Variants in CSDE1 observed in about 807,000 individuals in gnomAD.
CSDE1 encodes cold shock domain-containing protein E1.
In CSDE1, 17 loss-of-function variants were observed where a neutral mutation model predicts 89.3. That is an observed-to-expected ratio of 0.19 (90% CI 0.13 to 0.29). The LOEUF is 0.29. Among genes scored for constraint, CSDE1 ranks in the 10% least tolerant of loss-of-function variants. The pLI is 1.00. For synonymous variants in CSDE1, 322 were observed against 332.8 expected (o/e 0.97, Z 0.35); for missense variants, 672 against 984.2 (o/e 0.68, Z 4.24).
intron 1 of CSDE1, among the ~76,000 whole-genome samples, chr1:114,753,837 A>G (rs77073818): frequency 0.18 from 27,069 of 152,076 alleles, 2,734 homozygotes; most frequent in South Asian, 0.23. Context: ...GATCACTTGA[A>G]TCCAGGAGTT....
In CSDE1 at chr1:114,732,827, G is replaced by A. The variant is rs780582156; in HGVS notation, c.838-11C>T. 1.2e-6 allele frequency: 2 copies of A among 1,607,198 alleles called. No individual in the cohort carries two copies. The highest frequency in any genetic ancestry group is 2.2e-5 in the South Asian group (2 of 90,860). On this transcript the variant is annotated splice_polypyrimidine_tract_variant and intron_variant, in intron 9 of 19. Transcript: ENST00000358528. ...TGGCAATGGGTCATTCTGATGAGAA[G>A]GAAAAACGATTTTAGCTGGAGATTT... is the stretch of plus-strand genomic sequence containing the variant.
chr1:114,718,472 G>T, intron 19 of CSDE1, 141 bp downstream of exon 19: 2 of 1,170,800 alleles, frequency 1.7e-6, no homozygotes, highest in Non-Finnish European at 2.4e-6. Flanking sequence ...CTGAACCAAT[G>T]TGTAGAAAGT....
At chr1:114,734,601 A>T in intron 6 of CSDE1, 78 bp from the exon 7 acceptor site, 3 of 1,076,238 alleles carry the variant, frequency 2.8e-6, no homozygotes, top group Non-Finnish European at 4.1e-6. Flanking sequence ...TATGAGTCTA[A>T]AGAAACTAGT....
At position 114,737,519 on chromosome 1, in the gene CSDE1, A is replaced by T; in HGVS notation, c.354T>A (p.Ala118=). 1.2e-6 allele frequency: 2 copies of T among 1,614,102 alleles called. No homozygotes were observed. The highest frequency in any genetic ancestry group is 2.2e-5 in the South Asian group (2 of 91,084). The part of the protein sequence containing the change: ...VPHNLESKSP[A]APGQSPTGSV... ...TCCCTGTTGGACTCTGACCCGGGGC[A>T]GCTGGAGATTTACTCTCTAAGTTGT... The change falls in exon 5 of 20, where the codon GCT becomes GCA. Residue 118 remains alanine (A), a synonymous_variant. Coordinates refer to ENST00000358528, the MANE Select transcript of CSDE1 (RefSeq NM_001007553.3).
chr1:114,726,661 T>G lies in CSDE1; in HGVS notation c.1465-275A>C, dbSNP rs368692450. Among the ~76,000 whole-genome samples the G allele has an allele frequency of 8.2e-4, 125 of 152,276 alleles. 1 individual carries two copies. The South Asian group carries it at 0.025, about 31-fold the overall frequency. On this transcript the variant is annotated intron_variant, in intron 13 of 19. Coordinates refer to ENST00000358528, the MANE Select transcript of CSDE1 (RefSeq NM_001007553.3). ...CAAACATATTAAGTATGAGAAAAAATGAACAACAACGTAAAATCTTTGGTG... is the reference window on the plus strand; with the variant it reads ...CAAACATATTAAGTATGAGAAAAAAGGAACAACAACGTAAAATCTTTGGTG...
chr1:114,745,916 C>G (rs1391398456), intron 2 of CSDE1, among the ~76,000 whole-genome samples: 2 of 152,114 alleles, frequency 1.3e-5, no homozygotes, highest in South Asian at 2.1e-4. Flanking sequence ...GGATTTTTTC[C>G]TCAAAAGTAA....
Position 114,736,708 on chromosome 1 carries a change from G to C in CSDE1, c.500+50C>G. On this transcript the variant is annotated intron_variant, in intron 6 of 19. Transcript: ENST00000358528. Reference sequence around the variant, plus strand: ...CTCTATTCAAATTTCTTAATGGAGGGGGGAAAAAAAAACCGCTTAGGTGAG... The same window carrying C: ...CTCTATTCAAATTTCTTAATGGAGGCGGGAAAAAAAAACCGCTTAGGTGAG... 4.3e-6 allele frequency: 5 copies of C among 1,155,250 alleles called. No homozygotes were observed. In the East Asian group the frequency reaches 7.3e-5, roughly 17 times the overall value. The allele number at this position is 1,155,250 out of a possible 1,614,324, so 71.6% of individuals were successfully genotyped here.
At chr1:114,741,860 C>T (rs867984523) in intron 2 of CSDE1, among the ~76,000 whole-genome samples, 4 of 152,076 alleles carry the variant, frequency 2.6e-5, no homozygotes, top group African/African-American at 9.7e-5. Flanking sequence ...TTAAAACATA[C>T]GATGACATCA....
chr1:114,721,509 A>G (rs1376311424), intron 16 of CSDE1, among the ~76,000 whole-genome samples: 2 of 152,224 alleles, frequency 1.3e-5, no homozygotes, highest in African/African-American at 4.8e-5. Flanking sequence ...TCAGTCAACA[A>G]TAGTGGAAAA....
chr1:114,728,957 T>C (rs554520330), intron 12 of CSDE1, among the ~76,000 whole-genome samples: 2 of 152,306 alleles, frequency 1.3e-5, no homozygotes, highest in African/African-American at 4.8e-5. Context: ...ACCTTAACTA[T>C]CCAAGTAATT....
chr1:114,738,169 G>A (rs1660512237), intron 3 of CSDE1, 97 bp from the exon 4 acceptor site: 1 of 923,180 alleles, frequency 1.1e-6, no homozygotes, highest in East Asian at 2.5e-5. Context: ...AATTGCCTTA[G>A]ACCAGTGGTT....
At chr1:114,739,988 G>A (rs770261935) in intron 2 of CSDE1, 98 bp from the exon 3 acceptor site, 190 of 936,682 alleles carry the variant, frequency 2.0e-4, no homozygotes, top group Admixed American at 5.9e-4. Flanking sequence ...ATATAAAAAC[G>A]CAAAAAAAAG....
At chr1:114,747,013 A>C (rs2101076312) in intron 2 of CSDE1, among the ~76,000 whole-genome samples, 1 of 152,268 alleles carries the variant, frequency 6.6e-6, no homozygotes, top group East Asian at 1.9e-4. Context: ...GCTATGTTTC[A>C]AGTATGAAAA....
At chr1:114,718,275 A>G in intron 19 of CSDE1, 59 bp from the exon 20 acceptor site, 1 of 1,535,266 alleles carries the variant, frequency 6.5e-7, no homozygotes, top group Non-Finnish European at 9.0e-7. Context: ...CAACAATCAT[A>G]GTACATTCAC....
chr1:114,753,925 G>A (rs1418424612), intron 1 of CSDE1, among the ~76,000 whole-genome samples: 1 of 151,934 alleles, frequency 6.6e-6, no homozygotes, highest in Non-Finnish European at 1.5e-5. Flanking sequence ...CAAAACAATC[G>A]CCCCCACAAA....
In CSDE1 at chr1:114,743,341, G is replaced by A. The variant is rs368546206; in HGVS notation, c.1-3451C>T. ...CAAGTAGCTGGGACTACAGGTGTGC[G>A]CCACCAAACCCAGCCAAATTTTGTA... On this transcript the variant is annotated intron_variant, in intron 2 of 19. Coordinates refer to ENST00000358528, the MANE Select transcript of CSDE1 (RefSeq NM_001007553.3). 8.5e-5 allele frequency among the ~76,000 whole-genome samples: 13 copies of A among 152,114 alleles called. No homozygotes were observed. The South Asian group carries it at 1.2e-3, about 15-fold the overall frequency.
Position 114,717,950 on chromosome 1 carries a change from G to A in CSDE1, c.*219C>T. The A allele has an allele frequency of 1.9e-6, 1 of 516,038 alleles. No individual in the cohort carries two copies. The highest frequency in any genetic ancestry group is 3.4e-6 in the Non-Finnish European group (1 of 295,870). 32.0% of individuals were successfully genotyped at this position (516,038 alleles called of 1,614,324 possible). ...TTGATACTATAAGGCGCCACCTTAA[G>A]TTTTTCCAGGCTGCAACTGTGCATT... is the stretch of plus-strand genomic sequence containing the variant. On this transcript the variant is annotated 3_prime_UTR_variant, in exon 20 of 20. Coordinates refer to ENST00000358528, the MANE Select transcript of CSDE1 (RefSeq NM_001007553.3).
intron 10 of CSDE1, among the ~76,000 whole-genome samples, chr1:114,731,338 C>T (rs1441024594): frequency 6.7e-6 from 1 of 149,606 alleles, no homozygotes; most frequent in Admixed American, 6.7e-5. Flanking sequence ...TGACAGTAGC[C>T]AAGTTATATT....
intron 1 of CSDE1, among the ~76,000 whole-genome samples, chr1:114,751,468 T>C (rs1409249037): frequency 6.7e-6 from 1 of 148,990 alleles, no homozygotes; most frequent in Admixed American, 6.6e-5. Flanking sequence ...GTAAATACCA[T>C]GAACAAGTTA....
Sources: allele counts gnomAD v4.1 joint callset (sites outside exome capture counted in the v4.1 genomes callset), GRCh38; gene constraint gnomAD v4.1.1; transcripts MANE v1.5; gene names NCBI Gene and HGNC (gene_info 2026-07-23, HGNC 2026-07-21).